AQP7: variants seen among roughly 807,000 people sequenced by gnomAD.
AQP7 encodes the protein aquaporin 7.
Under a neutral mutation model 26.1 loss-of-function variants are expected in AQP7, and 22 were observed. The ratio of observed to expected loss-of-function variants is 0.84; its 90% CI spans 0.60 to 1.20. The LOEUF is 1.20. Ranked by LOEUF, AQP7 falls within the 50% of genes most tolerant of loss-of-function variation. AQP7 has a pLI of 0.00. For synonymous variants in AQP7, 167 were observed against 181.7 expected (o/e 0.92, Z 0.65); for missense variants, 412 against 457.5 (o/e 0.90, Z 0.91).
chr9:33,387,742 T>A (rs1824995463), intron 3 of AQP7, among the ~76,000 whole-genome samples: 1 of 152,036 alleles, frequency 6.6e-6, no homozygotes, highest in African/African-American at 2.4e-5. Flanking sequence ...CCAGAGCCAC[T>A]GTTCCCTTCA....
In AQP7 at chr9:33,387,067, T is replaced by C. The variant is rs752210629; in HGVS notation, c.170A>G (p.His57Arg). The change falls in exon 4 of 8, where the codon CAT (histidine) becomes CGT (arginine). Residue 57 changes from histidine (H) to arginine (R), a missense_variant. Transcript: ENST00000297988. ...MMVFGLGSVA[H>R]MVLNKKYGSY... is the part of the protein sequence containing the mutation. ...CCCATATTTTTTATTTAGAACCATA[T>C]GGGCCACGGAACCAAGGCCGAATAC... The C allele has an allele frequency of 6.2e-7, 1 of 1,611,894 alleles. No homozygotes were observed. Among genetic ancestry groups the C allele is most frequent in the Non-Finnish European group, 8.5e-7 (1 of 1,179,786 alleles).
chr9:33,386,502 GCA>G lies in AQP7; in HGVS notation c.306_307del (p.Leu104GlyfsTer60), dbSNP rs777176255. 2 of 1,612,262 alleles carry G rather than the reference GCA, an allele frequency of 1.2e-6. No homozygotes were observed. The highest frequency in any genetic ancestry group is 1.1e-5 in the South Asian group (1 of 90,600). ...CTTCCTCCAGGGCACGCGGCCCAGC[GCA>G]CAGTTAGCAAAGGTCACAGCTGCGT... is the stretch of plus-strand genomic sequence containing the variant. On this transcript the variant is annotated frameshift_variant, in exon 5 of 8. Coordinates refer to ENST00000297988, the MANE Select transcript of AQP7 (RefSeq NM_001170.3). LOFTEE classifies it high-confidence loss of function.
chr9:33,390,666 A>G (rs536214188), intron 3 of AQP7, among the ~76,000 whole-genome samples: 6 of 152,094 alleles, frequency 3.9e-5, no homozygotes, highest in African/African-American at 1.2e-4. Flanking sequence ...AGAGGACAGG[A>G]ACAGATGGGG....
chr9:33,399,640 A>C (rs1303930982), intron 2 of AQP7, among the ~76,000 whole-genome samples: 2 of 152,002 alleles, frequency 1.3e-5, no homozygotes, highest in African/African-American at 4.8e-5. Context: ...TCTACTTATG[A>C]GTCAAGCACC....
Position 33,385,640 on chromosome 9 carries a change from G to T in AQP7, c.743+9C>A. The T allele has an allele frequency of 6.2e-7, 1 of 1,613,164 alleles. No individual in the cohort carries two copies. The highest frequency in any genetic ancestry group is 8.5e-7 in the Non-Finnish European group (1 of 1,179,952). On this transcript the variant is annotated intron_variant, in intron 7 of 7. Transcript: ENST00000297988. Reference sequence around the variant, plus strand: ...AACTCAAAGGAATGGGCCTGGGCAGGGGCAGTACCTGAAGACCTGTTTGCC... The same window carrying T: ...AACTCAAAGGAATGGGCCTGGGCAGTGGCAGTACCTGAAGACCTGTTTGCC...
In AQP7 at chr9:33,384,215, G is replaced by A. The variant is rs550230033; in HGVS notation, c.*790C>T. The A allele has an allele frequency of 1.3e-5, 2 of 152,276 alleles. No homozygotes were observed. The highest frequency in any genetic ancestry group is 6.5e-5 in the Admixed American group (1 of 15,292). The allele number at this position is 152,276 out of a possible 1,614,324, so 9.4% of individuals were successfully genotyped here. A position where few individuals can be genotyped will look rare whatever the true frequency, so the allele number is the denominator to read the frequency against. On this transcript the variant is annotated 3_prime_UTR_variant, in exon 8 of 8. Transcript: ENST00000297988. ...GGAGCCCTATGAGGCCTCTTCCTGT[G>A]TCTTCATGTGGTCGAAGGATTTCCC... is the stretch of plus-strand genomic sequence containing the variant.
chr9:33,394,486 C>CTTTTTTTTTTTTTTTTT (rs56966031), intron 3 of AQP7, among the ~76,000 whole-genome samples: 1 of 115,112 alleles, frequency 8.7e-6, no homozygotes, highest in African/African-American at 3.0e-5. Flanking sequence ...CTCTCTCTCT[C>CTTTTTTTTTTTTTTTTT]TTTTTTTTTT....
At chr9:33,393,284 C>G (rs1367048931) in intron 3 of AQP7, among the ~76,000 whole-genome samples, 1 of 152,150 alleles carries the variant, frequency 6.6e-6, no homozygotes, top group Non-Finnish European at 1.5e-5. Context: ...AGTCGCACAG[C>G]TAGAAGATAA....
At chr9:33,399,437 A>C (rs932873986) in intron 2 of AQP7, among the ~76,000 whole-genome samples, 8 of 142,618 alleles carry the variant, frequency 5.6e-5, no homozygotes, top group African/African-American at 2.5e-4. Context: ...TCCACTAATA[A>C]TAAAAAAAAA....
intron 2 of AQP7, among the ~76,000 whole-genome samples, chr9:33,399,065 C>T (rs1826057740): frequency 6.6e-6 from 1 of 150,996 alleles, no homozygotes; most frequent in East Asian, 1.9e-4. Context: ...CCTAGACTTC[C>T]CAGGGTTCAA....
At chr9:33,400,912 C>A in intron 2 of AQP7, 2 of 370,250 alleles carry the variant, frequency 5.4e-6, no homozygotes. Flanking sequence ...TTGGCCATTG[C>A]AAGGACTGGC....
chr9:33,392,219 C>T (rs1379737268), intron 3 of AQP7, among the ~76,000 whole-genome samples: 7 of 151,452 alleles, frequency 4.6e-5, no homozygotes, highest in Admixed American at 4.0e-4. Flanking sequence ...GAGGCTGAGG[C>T]GCAAGAATCG....
intron 3 of AQP7, among the ~76,000 whole-genome samples, chr9:33,389,272 G>C (rs535356696): frequency 6.6e-6 from 1 of 152,068 alleles, no homozygotes; most frequent in African/African-American, 2.4e-5. Context: ...CAGATGATCC[G>C]CCTGCCTTGG....
rs566260635 is a variant in AQP7, at chr9:33,389,260, C to T, written c.145-2168G>A. Among the ~76,000 whole-genome samples the T allele has an allele frequency of 1.2e-3, 177 of 152,224 alleles. 1 individual carries two copies. Among genetic ancestry groups the T allele is most frequent in the African/African-American group, 4.0e-3 (166 of 41,532 alleles). ...GCCAGACTGGTCTCAAACACCTGAC[C>T]TCAGATGATCCGCCTGCCTTGGCCT... On this transcript the variant is annotated intron_variant, in intron 3 of 7. Coordinates refer to ENST00000297988, the MANE Select transcript of AQP7 (RefSeq NM_001170.3).
intron 3 of AQP7, among the ~76,000 whole-genome samples, chr9:33,392,176 T>A (rs183351607): frequency 1.3e-5 from 2 of 152,100 alleles, no homozygotes; most frequent in East Asian, 3.9e-4. Context: ...TGGCTGGGCA[T>A]GGTGGCATGC....
rs4879694 is a variant in AQP7 at position 33,387,937 on chromosome 9, C to T, written c.145-845G>A. ...TGCCTCCTCCCTGCTTCAGTCAGGCCGCAGGAGAGAACACGCTGGCCAGCT... is the reference window on the plus strand; with the variant it reads ...TGCCTCCTCCCTGCTTCAGTCAGGCTGCAGGAGAGAACACGCTGGCCAGCT... On this transcript the variant is annotated intron_variant, in intron 3 of 7. Coordinates refer to ENST00000297988, the MANE Select transcript of AQP7 (RefSeq NM_001170.3). Among the ~76,000 whole-genome samples the T allele has an allele frequency of 1.1e-3, 168 of 152,210 alleles. 2 individuals are homozygous for T. The highest frequency in any genetic ancestry group is 3.9e-3 in the East Asian group (20 of 5,164).
chr9:33,386,320 A>G, intron 5 of AQP7, 84 bp downstream of exon 5: 1 of 1,594,546 alleles, frequency 6.3e-7, no homozygotes, highest in Non-Finnish European at 8.6e-7. Flanking sequence ...TATTTTTTAC[A>G]AATCAGGACA....
intron 3 of AQP7, among the ~76,000 whole-genome samples, chr9:33,389,158 G>A (rs1449566156): frequency 6.6e-6 from 1 of 151,770 alleles, no homozygotes; most frequent in African/African-American, 2.4e-5. Context: ...CTCCCGAGTA[G>A]TTGAGATAAT....
intron 2 of AQP7, among the ~76,000 whole-genome samples, chr9:33,400,562 A>C (rs979414485): frequency 6.6e-6 from 1 of 152,130 alleles, no homozygotes; most frequent in Non-Finnish European, 1.5e-5. Flanking sequence ...CGGGTGGATC[A>C]CCTGAGGTCA....
Sources: allele counts gnomAD v4.1 joint callset (sites outside exome capture counted in the v4.1 genomes callset), GRCh38; gene constraint gnomAD v4.1.1; transcripts MANE v1.5; gene names NCBI Gene and HGNC (gene_info 2026-07-23, HGNC 2026-07-21).